Variants in PTPRM observed in about 807,000 individuals in gnomAD.
The protein encoded by PTPRM is receptor-type tyrosine-protein phosphatase mu.
Under a neutral mutation model 186.7 loss-of-function variants are expected in PTPRM, and 47 were observed. That is an observed-to-expected ratio of 0.25 (90% CI 0.20 to 0.32). The LOEUF (loss-of-function observed/expected upper bound fraction) is 0.32, where lower values mean the gene tolerates loss of function less well. Among genes scored for constraint, PTPRM ranks in the 10% least tolerant of loss-of-function variants. The pLI is 1.00. For synonymous variants in PTPRM, 668 were observed against 674.9 expected (o/e 0.99, Z 0.16); for missense variants, 1,494 against 1,865.0 (o/e 0.80, Z 3.66).
intron 7 of PTPRM, among the ~76,000 whole-genome samples, chr18:8,057,588 T>A (rs1323376285): frequency 7.9e-6 from 1 of 126,136 alleles, no homozygotes; most frequent in Non-Finnish European, 1.7e-5. Context: ...TATCTCCCAA[T>A]GCTATCCCTC....
At chr18:7,962,662 A>G (rs1294013942) in intron 7 of PTPRM, among the ~76,000 whole-genome samples, 2 of 152,214 alleles carry the variant, frequency 1.3e-5, no homozygotes, top group African/African-American at 4.8e-5. Context: ...CCATGCCTGC[A>G]TTCAACCGAA....
At chr18:8,404,386 T>C (rs2095890556) in intron 32 of PTPRM, 1 of 152,220 alleles carries the variant, frequency 6.6e-6, no homozygotes, top group Admixed American at 6.5e-5. Flanking sequence ...AGTACATGTG[T>C]ATTGAGTTGG....
At chr18:7,871,815 T>G (rs1203765712) in intron 2 of PTPRM, among the ~76,000 whole-genome samples, 1 of 152,246 alleles carries the variant, frequency 6.6e-6, no homozygotes, top group East Asian at 1.9e-4. Context: ...GACTTAAGAA[T>G]GGGGCTTGAG....
intron 3 of PTPRM, among the ~76,000 whole-genome samples, chr18:7,900,006 A>G (rs2049576176): frequency 6.8e-6 from 1 of 147,636 alleles, no homozygotes; most frequent in Admixed American, 6.7e-5. Flanking sequence ...TCCCCCATGG[A>G]GCGCAAGGCA....
chr18:8,092,483 A>G (rs1238108914), intron 11 of PTPRM, among the ~76,000 whole-genome samples: 3 of 152,104 alleles, frequency 2.0e-5, no homozygotes, highest in Non-Finnish European at 4.4e-5. Context: ...GTGCAATTGT[A>G]GCTCACTGCA....
chr18:8,228,475 A>G (rs2094242725), intron 14 of PTPRM, among the ~76,000 whole-genome samples: 1 of 152,166 alleles, frequency 6.6e-6, no homozygotes, highest in South Asian at 2.1e-4. Flanking sequence ...AATTCAAGTT[A>G]TAAATGAAGT....
At chr18:7,879,848 G>A (rs2048415434) in intron 2 of PTPRM, among the ~76,000 whole-genome samples, 2 of 152,186 alleles carry the variant, frequency 1.3e-5, no homozygotes, top group Non-Finnish European at 2.9e-5. Context: ...TGGTGAGGGA[G>A]TGTATTAGTC....
intron 14 of PTPRM, among the ~76,000 whole-genome samples, chr18:8,144,473 T>A (rs73389728): frequency 0.042 from 6,322 of 151,910 alleles, 297 homozygotes; most frequent in African/African-American, 0.11. Flanking sequence ...AATACAAAAA[T>A]TTGTTGGGCG....
In PTPRM at chr18:7,659,728, A is replaced by T. The variant is rs1223159040; in HGVS notation, c.73+91837A>T. ...TATATCTTTTTTATATTCGTGACAC[A>T]TGTTTTCTTTGACCTTTGGGGTGCC... On this transcript the variant is annotated intron_variant, in intron 1 of 32. Coordinates refer to ENST00000580170, the MANE Select transcript of PTPRM (RefSeq NM_001105244.2). Among the ~76,000 whole-genome samples, 4 of 152,144 alleles carry T rather than the reference A, an allele frequency of 2.6e-5. No individual in the cohort carries two copies. The South Asian group carries it at 6.2e-4, about 24-fold the overall frequency.
intron 2 of PTPRM, among the ~76,000 whole-genome samples, chr18:7,786,032 A>C (rs572744043): frequency 6.6e-6 from 1 of 152,360 alleles, no homozygotes; most frequent in South Asian, 2.1e-4. Flanking sequence ...GAATACAGAA[A>C]AAATCATACA....
chr18:7,846,208 C>T (rs564492792), intron 2 of PTPRM, among the ~76,000 whole-genome samples: 2 of 152,218 alleles, frequency 1.3e-5, no homozygotes, highest in South Asian at 2.1e-4. Context: ...TCCACTCACA[C>T]GCCTGAAATA....
intron 13 of PTPRM, among the ~76,000 whole-genome samples, chr18:8,130,139 T>C (rs2092466923): frequency 6.6e-6 from 1 of 152,240 alleles, no homozygotes; most frequent in Non-Finnish European, 1.5e-5. Flanking sequence ...TTGTTTTTAA[T>C]GTGAAAGGAT....
At chr18:7,960,503 ACACAC>A (rs1490392223) in intron 7 of PTPRM, among the ~76,000 whole-genome samples, 10 of 150,260 alleles carry the variant, frequency 6.7e-5, no homozygotes, top group Non-Finnish European at 1.5e-4. Context: ...ACACACACAC[ACACAC>A]GTGTGGCCAA....
intron 14 of PTPRM, among the ~76,000 whole-genome samples, chr18:8,155,682 A>G (rs1221005223): frequency 6.6e-6 from 1 of 152,240 alleles, no homozygotes; most frequent in Non-Finnish European, 1.5e-5. Flanking sequence ...AAAAAAGATA[A>G]GAGGGAAAAT....
At chr18:8,390,325 C>A (rs745504225) in intron 31 of PTPRM, among the ~76,000 whole-genome samples, 5 of 152,194 alleles carry the variant, frequency 3.3e-5, no homozygotes, top group African/African-American at 7.2e-5. Context: ...AACAAAGCTT[C>A]TAGAAGAAAA....
At chr18:8,271,832 C>T (rs1199201700) in intron 19 of PTPRM, among the ~76,000 whole-genome samples, 1 of 151,918 alleles carries the variant, frequency 6.6e-6, no homozygotes, top group Admixed American at 6.6e-5. Context: ...ATCCCTTTTT[C>T]ATAATTATAT....
intron 2 of PTPRM, among the ~76,000 whole-genome samples, chr18:7,834,924 GT>G (rs1470846247): frequency 1.4e-5 from 2 of 147,188 alleles, no homozygotes; most frequent in Admixed American, 6.7e-5. Context: ...GCCACTAATG[GT>G]TTTTTGAATT....
intron 14 of PTPRM, among the ~76,000 whole-genome samples, chr18:8,242,516 C>T (rs2094441788): frequency 6.6e-6 from 1 of 152,128 alleles, no homozygotes; most frequent in African/African-American, 2.4e-5. Flanking sequence ...CCCCACGGGG[C>T]AAGAGAGGGG....
At chr18:7,586,312 A>T (rs919532441) in intron 1 of PTPRM, among the ~76,000 whole-genome samples, 4 of 152,082 alleles carry the variant, frequency 2.6e-5, no homozygotes, top group Non-Finnish European at 4.4e-5. Context: ...GGGTGGATGA[A>T]TGGTTCAGGT....
Sources: allele counts gnomAD v4.1 joint callset (sites outside exome capture counted in the v4.1 genomes callset), GRCh38; gene constraint gnomAD v4.1.1; transcripts MANE v1.5; gene names NCBI Gene and HGNC (gene_info 2026-07-23, HGNC 2026-07-21).